Variants in UNG observed in about 807,000 individuals in gnomAD.
UNG encodes uracil DNA glycosylase.
A neutral mutation model predicts 36.5 loss-of-function variants in UNG; 34 were observed. The ratio of observed to expected loss-of-function variants is 0.93; its 90% CI spans 0.71 to 1.24. UNG has a LOEUF of 1.24. Among genes scored for constraint, UNG ranks in the 50% most tolerant of loss-of-function variants. The pLI, the probability that UNG is intolerant of heterozygous loss-of-function variation, is 0.00. For missense variants in UNG, 391 were observed against 397.6 expected (o/e 0.98, Z 0.14); for synonymous variants, 172 against 157.8 (o/e 1.09, Z -0.67).
intron 4 of UNG, 116 bp from the exon 5 acceptor site, chr12:109,102,723 C>A: frequency 1.3e-6 from 1 of 794,136 alleles, no homozygotes; most frequent in Non-Finnish European, 2.2e-6. Context: ...GTGCCAGTGT[C>A]CCTTCCAAGG....
At chr12:109,098,054 G>A (rs2042145018) in intron 1 of UNG, 1 of 1,374,724 alleles carries the variant, frequency 7.3e-7, no homozygotes, top group Non-Finnish European at 9.4e-7. Flanking sequence ...GGCCCTCCTG[G>A]CTCGGTGCGC....
intron 5 of UNG, among the ~76,000 whole-genome samples, chr12:109,103,163 C>T (rs1341457797): frequency 1.3e-5 from 2 of 152,144 alleles, no homozygotes; most frequent in Non-Finnish European, 2.9e-5. Context: ...ACCATGTTGG[C>T]CAGGCTGGTC....
chr12:109,100,244 T>C (rs1000880238), intron 3 of UNG, among the ~76,000 whole-genome samples: 1 of 152,228 alleles, frequency 6.6e-6, no homozygotes, highest in African/African-American at 2.4e-5. Context: ...GATGCCTCTG[T>C]GGCACCTCCT....
rs752209180 is a variant in UNG, at chr12:109,098,626, G to A, written c.327G>A (p.Pro109=). Reference sequence around the variant, plus strand: ...ACCTCAGCGGGGAGTTCGGGAAACCGTATTTTATCAAGGTAAATATGGAAA... The same window carrying A: ...ACCTCAGCGGGGAGTTCGGGAAACCATATTTTATCAAGGTAAATATGGAAA... ...KKHLSGEFGK[P]YFIKLMGFVA... The change falls in exon 2 of 7, where the codon CCG becomes CCA. Residue 109 remains proline, a synonymous_variant. Coordinates refer to ENST00000242576, the MANE Select transcript of UNG (RefSeq NM_080911.3). 4 of 1,613,418 alleles carry A rather than the reference G, an allele frequency of 2.5e-6. No individual in the cohort carries two copies. The Admixed American group carries it at 6.7e-5, about 27-fold the overall frequency.
intron 6 of UNG, among the ~76,000 whole-genome samples, chr12:109,107,518 C>CTTTTTTTTT (rs34833015): frequency 1.1e-5 from 1 of 89,436 alleles, no homozygotes; most frequent in Non-Finnish European, 2.1e-5. Context: ...GACTATTCCT[C>CTTTTTTTTT]TTTTTTTTTT....
At chr12:109,104,062 G>GTTTTTTTTTTTTTTTTTTTTT (rs1555265048) in intron 6 of UNG, among the ~76,000 whole-genome samples, 3 of 150,720 alleles carry the variant, frequency 2.0e-5, no homozygotes, top group African/African-American at 7.4e-5. Flanking sequence ...TGGGTTTTTT[G>GTTTTTTTTTTTTTTTTTTTTT]TTTTTTGATG....
chr12:109,098,362 C>T, intron 1 of UNG, 70 bp from the exon 2 acceptor site: 2 of 1,602,700 alleles, frequency 1.2e-6, no homozygotes, highest in South Asian at 1.1e-5. Context: ...GGGGGTTGGG[C>T]CGGAAGCTGC....
chr12:109,102,618 G>A (rs1005328154), intron 4 of UNG, among the ~76,000 whole-genome samples: 1 of 152,194 alleles, frequency 6.6e-6, no homozygotes, highest in Non-Finnish European at 1.5e-5. Flanking sequence ...CCAGAGTGCT[G>A]TTAAATCCAA....
intron 4 of UNG, 56 bp downstream of exon 4, chr12:109,102,055 C>T: frequency 6.6e-7 from 1 of 1,506,846 alleles, no homozygotes; most frequent in African/African-American, 1.4e-5. Flanking sequence ...CAGATGTGTA[C>T]TTAGCTTATT....
intron 3 of UNG, among the ~76,000 whole-genome samples, chr12:109,100,321 A>G (rs530889106): frequency 6.6e-6 from 1 of 152,314 alleles, no homozygotes; most frequent in African/African-American, 2.4e-5. Context: ...CGATGCATTT[A>G]GCACCTGCTG....
chr12:109,109,483 GA>G (rs58043104), intron 6 of UNG, among the ~76,000 whole-genome samples: 75 of 147,516 alleles, frequency 5.1e-4, no homozygotes, highest in Middle Eastern at 3.4e-3. Flanking sequence ...CCTTTTTGGG[GA>G]AAAAAAAAAA....
intron 6 of UNG, among the ~76,000 whole-genome samples, chr12:109,106,121 C>T (rs766434375): frequency 3.3e-5 from 5 of 152,178 alleles, no homozygotes; most frequent in African/African-American, 4.8e-5. Flanking sequence ...GTGCTGCTTG[C>T]GTGTGTGTTC....
At chr12:109,099,059 A>G (rs1246408858) in intron 2 of UNG, 130 bp from the exon 3 acceptor site, 1 of 963,864 alleles carries the variant, frequency 1.0e-6, no homozygotes, top group African/African-American at 1.6e-5. Context: ...GTTGTTTTTT[A>G]AAAGAATTTG....
rs3219218 is a variant in UNG, at chr12:109,100,430, A to G, written c.435+1146A>G. On this transcript the variant is annotated intron_variant, in intron 3 of 6. Coordinates refer to ENST00000242576, the MANE Select transcript of UNG (RefSeq NM_080911.3). ...ATGAATATCTGTGAAATGACATAGA[A>G]GTGAAATAGGTGAATAAATCATCTT... 0.023 allele frequency among the ~76,000 whole-genome samples: 3,429 copies of G among 152,226 alleles called. 250 individuals carry two copies. In the East Asian group the frequency reaches 0.27, roughly 12 times the overall value.
At position 109,103,518 on chromosome 12, in the gene UNG, T is replaced by C; in HGVS notation, c.708T>C (p.Asp236=). The C allele has an allele frequency of 1.2e-6, 2 of 1,614,254 alleles. No individual in the cohort carries two copies. The highest frequency in any genetic ancestry group is 1.7e-6 in the Non-Finnish European group (2 of 1,180,042). The change falls in exon 6 of 7, where the codon GAT becomes GAC. Residue 236 remains aspartate (D), a synonymous_variant. Coordinates refer to ENST00000242576, the MANE Select transcript of UNG (RefSeq NM_080911.3). ...HKERGWEQFT[D]AVVSWLNQNS... is the part of the protein sequence containing the mutation. ...AGCGAGGCTGGGAGCAGTTCACTGA[T>C]GCAGTTGTGTCCTGGCTAAATCAGA... is the stretch of plus-strand genomic sequence containing the variant.
chr12:109,102,913 G>A lies in UNG; in HGVS notation c.608G>A (p.Gly203Glu). 1 of 1,611,928 alleles carries A rather than the reference G, an allele frequency of 6.2e-7. No homozygotes were observed. Among genetic ancestry groups the A allele is most frequent in the Non-Finnish European group, 8.5e-7 (1 of 1,178,876 alleles). ...FVHPGHGDLSGWAKQGVLLLN... is the reference protein window; with the variant it reads ...FVHPGHGDLSEWAKQGVLLLN... ...CATCCTGGCCATGGAGATTTATCTG[G>A]GTGGGCCAAGCAAGGTAAGCCAGCG... Residue 203 changes from glycine to glutamate, a missense_variant, in exon 5 of 7, where the codon GGG becomes GAG. Physicochemically the swap from Gly to Glu is moderately conservative, Grantham distance 98. Transcript: ENST00000242576.
chr12:109,105,613 A>T (rs1249661822), intron 6 of UNG, among the ~76,000 whole-genome samples: 1 of 152,204 alleles, frequency 6.6e-6, no homozygotes, highest in African/African-American at 2.4e-5. Flanking sequence ...ATGCTTCACT[A>T]AACTTCCTCC....
Position 109,098,068 on chromosome 12 carries a change from C to A in UNG, c.132+257C>A, listed in dbSNP as rs1593318309. The A allele has an allele frequency of 2.9e-6, 4 of 1,384,430 alleles. No homozygotes were observed. The East Asian group carries it at 1.1e-4, about 37-fold the overall frequency. 85.8% of individuals were successfully genotyped at this position (1,384,430 alleles called of 1,614,324 possible). A position where few individuals can be genotyped will look rare whatever the true frequency, so the allele number is the denominator to read the frequency against. ...AGGCCCTCCTGGCTCGGTGCGCTGT[C>A]CAATCAGAGGGGAGAGGGGGCGGGA... On this transcript the variant is annotated intron_variant, in intron 1 of 6. Transcript: ENST00000242576.
rs550595158 is a variant in UNG, at chr12:109,110,495, T to A, written c.*526T>A. 2.4e-5 allele frequency: 4 copies of A among 165,170 alleles called. No individual in the cohort carries two copies. The South Asian group carries it at 6.4e-4, about 27-fold the overall frequency. The allele number at this position is 165,170 out of a possible 1,614,324, so 10.2% of individuals were successfully genotyped here. On this transcript the variant is annotated 3_prime_UTR_variant, in exon 7 of 7. Coordinates refer to ENST00000242576, the MANE Select transcript of UNG (RefSeq NM_080911.3). ...GCAGCATAAGGATGTTTTGCAACTT[T>A]CCAGAATCTGGCCCAGAAATTAGGG...
Sources: allele counts gnomAD v4.1 joint callset (sites outside exome capture counted in the v4.1 genomes callset), GRCh38; gene constraint gnomAD v4.1.1; transcripts MANE v1.5; gene names NCBI Gene and HGNC (gene_info 2026-07-23, HGNC 2026-07-21).